Variants in RNF216 observed in about 807,000 individuals in gnomAD.
The protein encoded by RNF216 is E3 ubiquitin-protein ligase RNF216.
A neutral mutation model predicts 110.8 loss-of-function variants in RNF216; 72 were observed. The observed-to-expected ratio is 0.65, with a 90% CI of 0.54 to 0.79. RNF216 has a LOEUF of 0.79. RNF216 is among the 30% of genes least tolerant of loss of function. RNF216 has a pLI of 0.00. For synonymous variants in RNF216, 495 were observed against 407.5 expected, an observed-to-expected ratio of 1.21 and a Z score of -2.59; for missense variants, 1,342 against 1,141.2, an observed-to-expected ratio of 1.18 and a Z score of -2.54.
chr7:5,711,683 C>G (rs1792700570), intron 13 of RNF216, 78 bp downstream of exon 13: 9 of 1,118,268 alleles, frequency 8.0e-6, no homozygotes, highest in East Asian at 2.5e-5. Flanking sequence ...GTCAGGTAAA[C>G]AGCAGATATT....
chr7:5,770,338 G>A (rs1022477706), intron 1 of RNF216, among the ~76,000 whole-genome samples: 8 of 152,118 alleles, frequency 5.3e-5, no homozygotes, highest in Non-Finnish European at 8.8e-5. Context: ...GCACATGCCT[G>A]TAATCCCAGC....
At position 5,624,002 on chromosome 7, in the gene RNF216, G is replaced by T; in HGVS notation, c.2452+54C>A. The T allele has an allele frequency of 6.7e-7, 1 of 1,496,150 alleles. No individual in the cohort carries two copies. The highest frequency in any genetic ancestry group is 9.3e-7 in the Non-Finnish European group (1 of 1,080,628). The allele number at this position is 1,496,150 out of a possible 1,614,324, so 92.7% of individuals were successfully genotyped here. Reference sequence around the variant, plus strand: ...AGGACACTCAGGGAGGCCAGCAGAAGCCTGCATGGCCTGGCTGCTGCTCTG... The same window carrying T: ...AGGACACTCAGGGAGGCCAGCAGAATCCTGCATGGCCTGGCTGCTGCTCTG... On this transcript the variant is annotated intron_variant, in intron 16 of 16. Transcript: ENST00000389902. This position sits in a 1 kb window ranked among gnomAD's most constrained non-coding sequence, Gnocchi z 4.4.
intron 9 of RNF216, among the ~76,000 whole-genome samples, chr7:5,719,577 T>C (rs900847986): frequency 3.9e-5 from 6 of 152,120 alleles, no homozygotes; most frequent in African/African-American, 1.4e-4. Context: ...TCACCAAGAA[T>C]AAAAGACTAC....
At chr7:5,709,039 G>A (rs1792487688) in intron 13 of RNF216, among the ~76,000 whole-genome samples, 1 of 152,160 alleles carries the variant, frequency 6.6e-6, no homozygotes, top group Non-Finnish European at 1.5e-5. Context: ...AGTGAGACAG[G>A]AACGAGAGTC....
At chr7:5,660,943 GTTTTTTTTTTTTTT>G (rs1168463360) in intron 13 of RNF216, among the ~76,000 whole-genome samples, 3 of 90,150 alleles carry the variant, frequency 3.3e-5, no homozygotes, top group East Asian at 6.0e-4. Flanking sequence ...GAAGCCTTAG[GTTTTTTTTTTTTTT>G]TTTTTTTTTT....
chr7:5,644,423 A>G (rs930459342), intron 14 of RNF216, among the ~76,000 whole-genome samples: 17 of 152,116 alleles, frequency 1.1e-4, no homozygotes, highest in Non-Finnish European at 2.4e-4. Flanking sequence ...GTATTTCTGT[A>G]ATGACTAATG....
chr7:5,680,707 C>T lies in RNF216; in HGVS notation c.2062-28197G>A, dbSNP rs547292340. ...GTGAGCCACCGCGCCCAGCACTCAA[C>T]ACTTCTACTTGGATATCTAAAAGGC... On this transcript the variant is annotated intron_variant, in intron 13 of 16. Transcript: ENST00000389902. The surrounding 1 kb of genome is among the most constrained non-coding windows in gnomAD (Gnocchi z 4.3). Among the ~76,000 whole-genome samples, 19 of 152,086 alleles carry T rather than the reference C, an allele frequency of 1.2e-4. No individual in the cohort carries two copies. The highest frequency in any genetic ancestry group is 3.3e-4 in the Admixed American group (5 of 15,260).
intron 6 of RNF216, among the ~76,000 whole-genome samples, 191 bp from the exon 7 acceptor site, chr7:5,729,787 G>C (rs927422980): frequency 6.6e-6 from 1 of 152,164 alleles, no homozygotes; most frequent in Non-Finnish European, 1.5e-5. Flanking sequence ...GTCTGGAGCC[G>C]ACAGACTAGT....
intron 2 of RNF216, among the ~76,000 whole-genome samples, chr7:5,756,088 GT>G (rs1359531121): frequency 6.6e-6 from 1 of 150,426 alleles, no homozygotes; most frequent in Non-Finnish European, 1.5e-5. Context: ...CATGGGGGCA[GT>G]TTCCCCCATT....
chr7:5,644,145 T>C (rs1787909526), intron 14 of RNF216, among the ~76,000 whole-genome samples: 1 of 152,216 alleles, frequency 6.6e-6, no homozygotes, highest in South Asian at 2.1e-4. Flanking sequence ...TAAATGAACA[T>C]TCTTGCACAA....
intron 7 of RNF216, among the ~76,000 whole-genome samples, chr7:5,726,557 T>C (rs911657627): frequency 6.6e-6 from 1 of 152,132 alleles, no homozygotes; most frequent in African/African-American, 2.4e-5. Flanking sequence ...CTTATCAGGA[T>C]TTAAATGTGT....
At position 5,623,028 on chromosome 7, in the gene RNF216, G is replaced by A. The variant is rs369343110; in HGVS notation, c.2604C>T (p.Pro868=). ...GGAAGTTGTTGAACACAGGCCGCACGGGAGGCAGGGGGAAGGGTGGGTGCG... is the reference window on the plus strand; with the variant it reads ...GGAAGTTGTTGAACACAGGCCGCACAGGAGGCAGGGGGAAGGGTGGGTGCG... ...AFAHPPFPLP[P]VRPVFNNFPL... Residue 868 remains proline, a synonymous_variant, in exon 17 of 17, where the codon CCC becomes CCT. Transcript: ENST00000389902. 4.3e-6 allele frequency: 7 copies of A among 1,614,064 alleles called. No homozygotes were observed. The highest frequency in any genetic ancestry group is 4.5e-5 in the East Asian group (2 of 44,878).
intron 15 of RNF216, among the ~76,000 whole-genome samples, chr7:5,634,600 G>C (rs370584066): frequency 3.8e-4 from 58 of 152,288 alleles, no homozygotes; most frequent in Non-Finnish European, 7.2e-4. Flanking sequence ...GAGACTTCAC[G>C]GGCTCAGGGC....
At chr7:5,679,002 C>T (rs1368747960) in intron 13 of RNF216, among the ~76,000 whole-genome samples, 1 of 152,104 alleles carries the variant, frequency 6.6e-6, no homozygotes, top group African/African-American at 2.4e-5. Flanking sequence ...ATGGGAGCCA[C>T]AAGTGTAGAA....
chr7:5,779,467 T>TA (rs1796955126), intron 1 of RNF216, among the ~76,000 whole-genome samples: 1 of 152,148 alleles, frequency 6.6e-6, no homozygotes, highest in South Asian at 2.1e-4. Flanking sequence ...GGCCATGTAT[T>TA]AGCCTTCTTC....
intron 13 of RNF216, among the ~76,000 whole-genome samples, chr7:5,665,651 T>C (rs1158165250): frequency 2.6e-5 from 4 of 151,978 alleles, no homozygotes; most frequent in Non-Finnish European, 4.4e-5. Flanking sequence ...TACTATACTA[T>C]GGGGACCAGG....
intron 4 of RNF216, among the ~76,000 whole-genome samples, chr7:5,740,525 GCTA>G (rs1201248227): frequency 6.6e-6 from 1 of 152,130 alleles, no homozygotes; most frequent in Non-Finnish European, 1.5e-5. Flanking sequence ...GCCTCATGTG[GCTA>G]CTAAGGTTAA....
chr7:5,650,929 G>A (rs1016817603), intron 14 of RNF216, among the ~76,000 whole-genome samples: 6 of 152,138 alleles, frequency 3.9e-5, no homozygotes, highest in African/African-American at 1.4e-4. Flanking sequence ...CATTTTCTGA[G>A]TACCAAACTC....
chr7:5,781,028 C>A (rs1797057455), intron 1 of RNF216, among the ~76,000 whole-genome samples: 1 of 152,226 alleles, frequency 6.6e-6, no homozygotes, highest in Non-Finnish European at 1.5e-5. Context: ...CTTGCGGCGC[C>A]CTCGCGAGTG....
Sources: gnomAD v4.1 joint callset for allele counts (sites outside exome capture counted in the v4.1 genomes callset) on GRCh38, gnomAD v4.1.1 for gene constraint, Gnocchi (gnomAD v3.1) non-coding constraint, MANE v1.5 for transcripts, NCBI Gene and HGNC (gene_info 2026-07-23, HGNC 2026-07-21) for gene names.